The following AFG2A variants were observed in gnomAD, a reference collection of about 807,000 sequenced individuals.
AFG2A encodes AAA ATPase AFG2A.
At chr4:123,012,218 T>A in the AFG2A span, among the ~76,000 whole-genome samples, 1 of 86,696 alleles carries the variant, frequency 1.2e-5, no homozygotes, top group African/African-American at 4.6e-5. Context: ...CCCAGGAAAG[T>A]GGAGAAAGGG....
chr4:123,089,595 C>A, the AFG2A span, among the ~76,000 whole-genome samples: 1 of 147,340 alleles, frequency 6.8e-6, no homozygotes, highest in Non-Finnish European at 1.5e-5. Flanking sequence ...TTTTTTTTTT[C>A]TTTTTTTGGG....
chr4:123,117,640 A>T, the AFG2A span, among the ~76,000 whole-genome samples: 2 of 151,880 alleles, frequency 1.3e-5, no homozygotes, highest in South Asian at 2.1e-4. Flanking sequence ...GTTGTCTGCC[A>T]TACTACCCAC....
the AFG2A span, chr4:122,923,385 G>A: frequency 1.3e-6 from 2 of 1,565,966 alleles, no homozygotes; most frequent in Non-Finnish European, 1.7e-6. Flanking sequence ...CTGACTTGGG[G>A]TGCAGAGACT....
the AFG2A span, among the ~76,000 whole-genome samples, chr4:123,074,285 A>G: frequency 1.3e-5 from 2 of 151,632 alleles, no homozygotes; most frequent in African/African-American, 4.8e-5. Flanking sequence ...TAATAGAGAC[A>G]GAGTTTCAGC....
At chr4:123,034,202 CCTCAGATT>C in the AFG2A span, among the ~76,000 whole-genome samples, 2 of 151,926 alleles carry the variant, frequency 1.3e-5, no homozygotes, top group Non-Finnish European at 2.9e-5. Flanking sequence ...AACTATGTGT[CCTCAGATT>C]CCACAGGCTG....
the AFG2A span, among the ~76,000 whole-genome samples, chr4:123,039,531 CT>C: frequency 1.3e-5 from 2 of 151,974 alleles, no homozygotes; most frequent in African/African-American, 2.4e-5. Flanking sequence ...TTCTTAATTC[CT>C]TGTCCACAGT....
chr4:123,123,274 C>T, the AFG2A span, among the ~76,000 whole-genome samples: 1 of 151,926 alleles, frequency 6.6e-6, no homozygotes, highest in Non-Finnish European at 1.5e-5. Flanking sequence ...TTAATAATAT[C>T]ATATAATGTT....
the AFG2A span, among the ~76,000 whole-genome samples, chr4:123,282,675 A>G: frequency 4.6e-5 from 7 of 152,088 alleles, no homozygotes; most frequent in African/African-American, 1.7e-4. Context: ...ACAGGGCTCT[A>G]TGACTGGCTT....
the AFG2A span, among the ~76,000 whole-genome samples, chr4:123,012,933 G>A: frequency 7.2e-5 from 11 of 152,292 alleles, no homozygotes; most frequent in South Asian, 2.1e-4. Flanking sequence ...CCCCCTATCC[G>A]AGTCACGGCA....
chr4:123,306,679 C>G, the AFG2A span, among the ~76,000 whole-genome samples: 2 of 152,092 alleles, frequency 1.3e-5, no homozygotes, highest in Non-Finnish European at 2.9e-5. Flanking sequence ...CCTCAGCCTC[C>G]CAAGTAGCTG....
At chr4:123,241,520 A>G in the AFG2A span, among the ~76,000 whole-genome samples, 6 of 152,348 alleles carry the variant, frequency 3.9e-5, no homozygotes, top group African/African-American at 1.4e-4. Context: ...AAACAGAACC[A>G]ATGACAAAAA....
At chr4:123,040,878 T>G in the AFG2A span, among the ~76,000 whole-genome samples, 2 of 152,124 alleles carry the variant, frequency 1.3e-5, no homozygotes, top group African/African-American at 4.8e-5. Context: ...GAAACATGAT[T>G]GCTTACAGTT....
the AFG2A span, among the ~76,000 whole-genome samples, chr4:123,097,415 A>G: frequency 1.3e-5 from 2 of 151,982 alleles, no homozygotes; most frequent in Non-Finnish European, 2.9e-5. Context: ...ATGAATCATA[A>G]TTCTTTACTT....
chr4:123,102,363 T>G, the AFG2A span: 1 of 151,850 alleles, frequency 6.6e-6, no homozygotes, highest in East Asian at 1.9e-4. Context: ...ATAAAAACCT[T>G]GCTTGACAGT....
At chr4:122,928,899 T>C in the AFG2A span, 1 of 989,846 alleles carries the variant, frequency 1.0e-6, no homozygotes, top group Non-Finnish European at 1.4e-6. Context: ...TTGCAATTGG[T>C]ATCAGATTGT....
chr4:123,204,468 CTTTT>C, the AFG2A span, among the ~76,000 whole-genome samples: 52 of 152,108 alleles, frequency 3.4e-4, no homozygotes, highest in Admixed American at 6.5e-4. Flanking sequence ...TGATGTTGAA[CTTTT>C]TTTATGTGCT....
the AFG2A span, among the ~76,000 whole-genome samples, chr4:123,189,618 C>G: frequency 1.3e-5 from 2 of 152,060 alleles, no homozygotes; most frequent in African/African-American, 4.8e-5. Flanking sequence ...GTACCCAGAA[C>G]AACAGGTTTA....
At chr4:123,039,978 A>G in the AFG2A span, among the ~76,000 whole-genome samples, 10 of 152,236 alleles carry the variant, frequency 6.6e-5, no homozygotes, top group African/African-American at 2.4e-4. Context: ...TTATGAGGAC[A>G]CAACAATTTA....
chr4:122,987,107 A>G, the AFG2A span, among the ~76,000 whole-genome samples: 25 of 152,132 alleles, frequency 1.6e-4, 1 homozygote, highest in Admixed American at 6.5e-4. Flanking sequence ...GACTTAGTCT[A>G]TTTTGTCTAA....
Sources: allele counts gnomAD v4.1 joint callset (sites outside exome capture counted in the v4.1 genomes callset), GRCh38; gene constraint gnomAD v4.1.1; transcripts MANE v1.5; gene names NCBI Gene and HGNC (gene_info 2026-07-23, HGNC 2026-07-21).